The following PDE3B variants were observed in gnomAD, a reference collection of about 807,000 sequenced individuals.
PDE3B encodes cGMP-inhibited 3',5'-cyclic phosphodiesterase 3B.
In PDE3B, 66 loss-of-function variants were observed where a neutral mutation model predicts 116.8. The observed-to-expected ratio is 0.56, with a 90% confidence interval of 0.46 to 0.69. PDE3B has a LOEUF of 0.69. PDE3B is among the 30% of genes least tolerant of loss of function. The pLI, the probability that PDE3B is intolerant of heterozygous loss-of-function variation, is 0.00. For synonymous variants in PDE3B, 595 were observed against 533.6 expected, an observed-to-expected ratio of 1.12 and a Z score of -1.59; for missense variants, 1,384 against 1,368.1, an observed-to-expected ratio of 1.01 and a Z score of -0.18.
intron 2 of PDE3B, among the ~76,000 whole-genome samples, chr11:14,781,697 C>A (rs1245666080): frequency 3.3e-5 from 5 of 152,126 alleles, no homozygotes; most frequent in African/African-American, 1.2e-4. Context: ...AACCCACAGC[C>A]AATATCATAC....
chr11:14,712,395 T>C (rs1855730477), intron 1 of PDE3B, among the ~76,000 whole-genome samples: 1 of 152,074 alleles, frequency 6.6e-6, no homozygotes, highest in African/African-American at 2.4e-5. Context: ...CTGTTTTCTT[T>C]TTTGAGGTGC....
intron 1 of PDE3B, among the ~76,000 whole-genome samples, chr11:14,744,791 A>C (rs1001161711): frequency 3.9e-5 from 6 of 152,324 alleles, no homozygotes; most frequent in African/African-American, 1.4e-4. Flanking sequence ...AATTATTATG[A>C]GAACTTTTGC....
At chr11:14,784,566 G>A (rs1164621779) in intron 2 of PDE3B, among the ~76,000 whole-genome samples, 1 of 151,976 alleles carries the variant, frequency 6.6e-6, no homozygotes, top group Non-Finnish European at 1.5e-5. Flanking sequence ...AATTAATCAA[G>A]ATGGAATCAT....
intron 1 of PDE3B, among the ~76,000 whole-genome samples, chr11:14,730,374 AG>A (rs1856425573): frequency 6.6e-6 from 1 of 152,374 alleles, no homozygotes; most frequent in East Asian, 1.9e-4. Context: ...TTCTAAGTGT[AG>A]GAAAGTTCAG....
At chr11:14,681,328 A>G (rs1243053077) in intron 1 of PDE3B, among the ~76,000 whole-genome samples, 1 of 152,156 alleles carries the variant, frequency 6.6e-6, no homozygotes, top group African/African-American at 2.4e-5. Context: ...GGTGGCTCCC[A>G]CAATTCCCAT....
the PDE3B span, chr11:14,891,986 C>T: frequency 6.2e-7 from 1 of 1,613,190 alleles, no homozygotes; most frequent in Non-Finnish European, 8.5e-7. Flanking sequence ...TGTACCTCTC[C>T]GTACACCTGG....
intron 1 of PDE3B, among the ~76,000 whole-genome samples, chr11:14,754,066 A>C (rs1857122968): frequency 6.6e-6 from 1 of 152,018 alleles, no homozygotes; most frequent in African/African-American, 2.4e-5. Context: ...CTAAGACTTT[A>C]GACAAAGGAA....
chr11:14,772,256 G>C (rs921317905), intron 2 of PDE3B: 1 of 191,736 alleles, frequency 5.2e-6, no homozygotes, highest in South Asian at 1.4e-4. Flanking sequence ...TCTGGGCTCA[G>C]AATCAACTAA....
At chr11:14,732,511 T>TA (rs1411434924) in intron 1 of PDE3B, among the ~76,000 whole-genome samples, 2 of 152,178 alleles carry the variant, frequency 1.3e-5, no homozygotes, top group Non-Finnish European at 2.9e-5. Flanking sequence ...GAGATTCATT[T>TA]TAGTGTCATT....
At chr11:14,674,689 A>G (rs1854478062) in intron 1 of PDE3B, 1 of 204,552 alleles carries the variant, frequency 4.9e-6, no homozygotes, top group Admixed American at 5.5e-5. Flanking sequence ...GGTAACAACT[A>G]ATTAATTTCT....
intron 1 of PDE3B, among the ~76,000 whole-genome samples, chr11:14,685,679 C>T (rs1427819854): frequency 1.3e-5 from 2 of 152,036 alleles, no homozygotes; most frequent in East Asian, 3.9e-4. Flanking sequence ...TGGTCTTGAA[C>T]TCCTGACCTC....
chr11:14,676,959 C>T (rs768596272), intron 1 of PDE3B, among the ~76,000 whole-genome samples: 7 of 151,974 alleles, frequency 4.6e-5, no homozygotes, highest in Non-Finnish European at 8.8e-5. Context: ...TATGATCTAA[C>T]TTGAAGTAAT....
intron 13 of PDE3B, 38 bp from the exon 14 acceptor site, chr11:14,861,167 C>G (rs188380070): frequency 2.0e-6 from 3 of 1,510,080 alleles, no homozygotes; most frequent in African/African-American, 1.4e-5. Context: ...TTTAAAAATG[C>G]CTTCAGAACC....
chr11:14,818,648 A>G (rs376279782), intron 6 of PDE3B, among the ~76,000 whole-genome samples: 3 of 152,038 alleles, frequency 2.0e-5, no homozygotes, highest in South Asian at 2.1e-4. Flanking sequence ...TTCTAGTTCT[A>G]TGTTATAACT....
intron 4 of PDE3B, among the ~76,000 whole-genome samples, chr11:14,795,588 T>C (rs1029981596): frequency 1.1e-4 from 17 of 152,170 alleles, no homozygotes; most frequent in African/African-American, 3.4e-4. Context: ...TATGATATAC[T>C]GAAATTATTG....
chr11:14,650,403 C>T (rs991096351), intron 1 of PDE3B, among the ~76,000 whole-genome samples: 6 of 152,152 alleles, frequency 3.9e-5, no homozygotes, highest in East Asian at 1.9e-4. Context: ...GAAGGGGTTT[C>T]GCTGTGTTGC....
At chr11:14,662,932 C>T (rs1193847405) in intron 1 of PDE3B, among the ~76,000 whole-genome samples, 1 of 152,038 alleles carries the variant, frequency 6.6e-6, no homozygotes, top group Non-Finnish European at 1.5e-5. Context: ...GGTAGGCCAA[C>T]ATTCAGATTC....
intron 1 of PDE3B, among the ~76,000 whole-genome samples, chr11:14,766,432 C>T (rs879336016): frequency 1.1e-4 from 16 of 151,674 alleles, no homozygotes; most frequent in Non-Finnish European, 2.4e-4. Context: ...TGGACATTAT[C>T]ATACTTGAAA....
the PDE3B span, chr11:14,892,200 C>G: frequency 6.2e-7 from 1 of 1,609,648 alleles, no homozygotes; most frequent in Non-Finnish European, 8.5e-7. Context: ...TCCAAAGCTT[C>G]CACATCGGCC....
Sources: allele counts gnomAD v4.1 joint callset (sites outside exome capture counted in the v4.1 genomes callset), GRCh38; gene constraint gnomAD v4.1.1; transcripts MANE v1.5; gene names NCBI Gene and HGNC (gene_info 2026-07-23, HGNC 2026-07-21).